NBEA: variants seen among roughly 807,000 people sequenced by gnomAD.
NBEA encodes lysosomal-trafficking regulator 2.
NBEA carries 44 observed loss-of-function variants against 343.4 expected under a neutral mutation model. The ratio of observed to expected loss-of-function variants is 0.13; its 90% CI spans 0.10 to 0.16. The LOEUF (loss-of-function observed/expected upper bound fraction) is 0.16, where lower values mean the gene tolerates loss of function less well. Ranked by LOEUF, NBEA falls within the 10% of genes least tolerant of loss-of-function variation. NBEA has a pLI of 1.00. For synonymous variants in NBEA, 1,175 were observed against 1,238.7 expected (o/e 0.95, Z 1.08); for missense variants, 2,555 against 3,631.3 (o/e 0.70, Z 7.62).
chr13:35,635,044 A>G (rs570589701), intron 49 of NBEA, among the ~76,000 whole-genome samples: 241 of 152,334 alleles, frequency 1.6e-3, no homozygotes, highest in African/African-American at 5.5e-3. Flanking sequence ...TTCTGAGAAG[A>G]TGAATTCATA....
chr13:35,659,422 T>C (rs2084964745), intron 55 of NBEA, among the ~76,000 whole-genome samples: 1 of 152,260 alleles, frequency 6.6e-6, no homozygotes, highest in African/African-American at 2.4e-5. Flanking sequence ...TGCATTGTCA[T>C]TATTATATTG....
chr13:35,411,410 A>G (rs2043575132), intron 38 of NBEA, among the ~76,000 whole-genome samples: 1 of 151,180 alleles, frequency 6.6e-6, no homozygotes, highest in Non-Finnish European at 1.5e-5. Context: ...ATTGTTGTAG[A>G]TGATTTGCCT....
At chr13:35,105,209 C>A (rs2152650270) in intron 11 of NBEA, among the ~76,000 whole-genome samples, 1 of 152,068 alleles carries the variant, frequency 6.6e-6, no homozygotes, top group South Asian at 2.1e-4. Flanking sequence ...ATATACCCAA[C>A]TTCATTTTCT....
intron 1 of NBEA, among the ~76,000 whole-genome samples, chr13:35,035,953 C>T (rs2062426729): frequency 6.6e-6 from 1 of 151,846 alleles, no homozygotes; most frequent in African/African-American, 2.4e-5. Context: ...AGGTCTTGCT[C>T]TTTCATCCAT....
At chr13:35,579,248 CCATT>C (rs2080892741) in intron 45 of NBEA, among the ~76,000 whole-genome samples, 1 of 152,044 alleles carries the variant, frequency 6.6e-6, no homozygotes, top group Admixed American at 6.6e-5. Context: ...GTGACATTGA[CCATT>C]CATCAGATCA....
At chr13:35,253,016 T>G (rs2032153411) in intron 34 of NBEA, among the ~76,000 whole-genome samples, 1 of 152,168 alleles carries the variant, frequency 6.6e-6, no homozygotes, top group Non-Finnish European at 1.5e-5. Flanking sequence ...TGAACATGCC[T>G]GCCGAGGAAG....
chr13:35,471,694 A>G (rs1365314678), intron 40 of NBEA, among the ~76,000 whole-genome samples: 1 of 152,200 alleles, frequency 6.6e-6, no homozygotes, highest in Non-Finnish European at 1.5e-5. Flanking sequence ...AAAAGTTGAG[A>G]AGTAGCACTT....
At chr13:35,342,010 TA>T (rs1257387523) in intron 36 of NBEA, among the ~76,000 whole-genome samples, 1 of 152,076 alleles carries the variant, frequency 6.6e-6, no homozygotes, top group Non-Finnish European at 1.5e-5. Flanking sequence ...GATATATGCA[TA>T]AAATGGGATA....
chr13:35,537,305 G>A (rs2078605976), intron 41 of NBEA, among the ~76,000 whole-genome samples: 2 of 151,812 alleles, frequency 1.3e-5, no homozygotes, highest in Non-Finnish European at 2.9e-5. Flanking sequence ...TATATATACA[G>A]GGTCTCCTAG....
At chr13:35,245,362 G>A (rs894693859) in intron 34 of NBEA, among the ~76,000 whole-genome samples, 6 of 151,472 alleles carry the variant, frequency 4.0e-5, no homozygotes, top group African/African-American at 1.5e-4. Flanking sequence ...CCTTTTTTTT[G>A]TAATTTTGTT....
chr13:35,029,052 TTTTG>T (rs1201325945), intron 1 of NBEA, among the ~76,000 whole-genome samples: 1 of 151,668 alleles, frequency 6.6e-6, no homozygotes, highest in African/African-American at 2.4e-5. Context: ...GCTTCTTTCT[TTTTG>T]TTTCTGCTTA....
At chr13:35,017,518 G>A (rs1401400148) in intron 1 of NBEA, among the ~76,000 whole-genome samples, 1 of 152,138 alleles carries the variant, frequency 6.6e-6, no homozygotes, top group Admixed American at 6.5e-5. Flanking sequence ...TAGATGGATA[G>A]TGGTAGCTTA....
intron 40 of NBEA, among the ~76,000 whole-genome samples, chr13:35,457,391 C>A (rs985222121): frequency 6.6e-5 from 10 of 152,144 alleles, no homozygotes; most frequent in African/African-American, 2.2e-4. Flanking sequence ...TAAAATATTT[C>A]ATTACTCCAG....
Position 35,668,450 on chromosome 13 carries a change from T to A in NBEA, c.8744T>A (p.Phe2915Tyr). 6.2e-7 allele frequency: 1 copy of A among 1,613,568 alleles called. No homozygotes were observed. Among genetic ancestry groups the A allele is most frequent in the Non-Finnish European group, 8.5e-7 (1 of 1,179,736 alleles). ...GVVEVWQACD[F>Y]KQLYIYPGCD... Reference sequence around the variant, plus strand: ...GTAGAGGTCTGGCAGGCCTGTGACTTCAAGCAACTGTACATTTACCCTGGA... The same window carrying A: ...GTAGAGGTCTGGCAGGCCTGTGACTACAAGCAACTGTACATTTACCCTGGA... The change falls in exon 58 of 59, where the codon TTC becomes TAC. Residue 2915 changes from phenylalanine to tyrosine, a missense_variant. Physicochemically the swap from Phe to Tyr is conservative, Grantham distance 22. This residue lies in a region of NBEA where 186 missense variants were observed against 328.9 expected (regional missense o/e 0.57). Coordinates refer to ENST00000379939, the MANE Select transcript of NBEA (RefSeq NM_001385012.1).
chr13:35,425,357 C>T (rs1354990519), intron 38 of NBEA, among the ~76,000 whole-genome samples: 3 of 152,156 alleles, frequency 2.0e-5, no homozygotes, highest in Non-Finnish European at 4.4e-5. Flanking sequence ...TCTTTGTTCT[C>T]ATTGGTTTCA....
intron 41 of NBEA, among the ~76,000 whole-genome samples, chr13:35,511,262 G>A (rs1038625939): frequency 1.3e-5 from 2 of 152,156 alleles, no homozygotes; most frequent in African/African-American, 4.8e-5. Context: ...TCAAGTTGCT[G>A]TGGAATACCT....
At chr13:35,394,172 T>C (rs545945637) in intron 38 of NBEA, among the ~76,000 whole-genome samples, 44 of 152,304 alleles carry the variant, frequency 2.9e-4, no homozygotes, top group South Asian at 1.4e-3. Context: ...CAATCATTGA[T>C]GGATTAGCCT....
intron 36 of NBEA, among the ~76,000 whole-genome samples, chr13:35,334,545 C>T (rs567984334): frequency 2.0e-5 from 3 of 152,336 alleles, no homozygotes; most frequent in East Asian, 1.9e-4. Context: ...GCTGGGATTA[C>T]AGGCGTGGGC....
intron 36 of NBEA, among the ~76,000 whole-genome samples, chr13:35,310,345 C>A (rs2037277032): frequency 6.6e-6 from 1 of 152,106 alleles, no homozygotes; most frequent in Non-Finnish European, 1.5e-5. Context: ...ACCACAAACA[C>A]ATCCATCCAA....
Sources: gnomAD v4.1 joint callset for allele counts (sites outside exome capture counted in the v4.1 genomes callset) on GRCh38, gnomAD v4.1.1 for gene constraint, gnomAD v4.1.1 regional missense constraint, MANE v1.5 for transcripts, NCBI Gene and HGNC (gene_info 2026-07-23, HGNC 2026-07-21) for gene names.